The following RO60 variants were observed in gnomAD, a reference collection of about 807,000 sequenced individuals.
RO60 encodes RNA-binding protein RO60.
A neutral mutation model predicts 55.3 loss-of-function variants in RO60; 20 were observed. The observed-to-expected ratio is 0.36, with a 90% CI of 0.25 to 0.53. The LOEUF is 0.53. Ranked by LOEUF, RO60 falls within the 20% of genes least tolerant of loss-of-function variation. RO60 has a pLI of 0.92. For synonymous variants in RO60, 213 were observed against 213.6 expected (o/e 1.00, Z 0.02); for missense variants, 558 against 646.6 (o/e 0.86, Z 1.49).
intron 5 of RO60, among the ~76,000 whole-genome samples, chr1:193,079,707 T>C (rs539237482): frequency 6.6e-6 from 1 of 152,314 alleles, no homozygotes; most frequent in Admixed American, 6.5e-5. Context: ...GCAGACCATA[T>C]GTCCGATAAG....
Position 193,084,872 on chromosome 1 carries a change from A to C in RO60, c.*141A>C. On this transcript the variant is annotated 3_prime_UTR_variant, in exon 9 of 9. Transcript: ENST00000400968. ...AATGGAAAGTTACCTTACTGAAAAAAAAAAAAGAAGGAAAAATAAGATGGG... is the reference window on the plus strand; with the variant it reads ...AATGGAAAGTTACCTTACTGAAAAACAAAAAAGAAGGAAAAATAAGATGGG... 1 of 1,478,176 alleles carries C rather than the reference A, an allele frequency of 6.8e-7. No homozygotes were observed. Among genetic ancestry groups the C allele is most frequent in the East Asian group, 2.4e-5 (1 of 41,066 alleles). The allele number at this position is 1,478,176 out of a possible 1,614,324, so 91.6% of individuals were successfully genotyped here.
At position 193,069,419 on chromosome 1, in the gene RO60, C is replaced by T. The variant is rs748737349; in HGVS notation, c.365C>T (p.Pro122Leu). Residue 122 changes from proline to leucine, a missense_variant, in exon 2 of 9, where the codon CCT (proline) becomes CTT (leucine). By Grantham distance (98) the Pro-to-Leu change is moderately conservative. Coordinates refer to ENST00000400968, the MANE Select transcript of RO60 (RefSeq NM_001173524.2). Reference sequence around the variant, plus strand: ...GCTGTTTCTGAAGTTTGTCGCATTCCTACCCATCTCTTTACTTTTATCCAG... The same window carrying T: ...GCTGTTTCTGAAGTTTGTCGCATTCTTACCCATCTCTTTACTTTTATCCAG... ...FKAVSEVCRIPTHLFTFIQFK... is the reference protein window; with the variant it reads ...FKAVSEVCRILTHLFTFIQFK... The T allele has an allele frequency of 6.2e-7, 1 of 1,614,164 alleles. No individual in the cohort carries two copies.
Position 193,085,733 on chromosome 1 carries a change from C to T in RO60, c.*1002C>T. ...TTTTTAAAAGTATACATGTCAATGGCCTCTTTGTCCATTATTCATTTTGTG... is the reference window on the plus strand; with the variant it reads ...TTTTTAAAAGTATACATGTCAATGGTCTCTTTGTCCATTATTCATTTTGTG... On this transcript the variant is annotated 3_prime_UTR_variant, in exon 9 of 9. Coordinates refer to ENST00000400968, the MANE Select transcript of RO60 (RefSeq NM_001173524.2). The T allele has an allele frequency of 2.0e-6, 2 of 983,922 alleles. No individual in the cohort carries two copies. The highest frequency in any genetic ancestry group is 1.2e-6 in the Non-Finnish European group (1 of 828,820). The allele number at this position is 983,922 out of a possible 1,614,324, so 60.9% of individuals were successfully genotyped here. A position where few individuals can be genotyped will look rare whatever the true frequency, so the allele number is the denominator to read the frequency against.
intron 2 of RO60, among the ~76,000 whole-genome samples, chr1:193,074,495 G>GTCTTC (rs1558243830): frequency 8.5e-5 from 13 of 152,224 alleles, no homozygotes; most frequent in African/African-American, 2.7e-4. Context: ...CAGTGATGAT[G>GTCTTC]AGCATGTTTT....
intron 1 of RO60, among the ~76,000 whole-genome samples, chr1:193,066,241 G>C (rs1673096977): frequency 6.6e-6 from 1 of 152,118 alleles, no homozygotes; most frequent in Admixed American, 6.5e-5. Flanking sequence ...TGTATCTTCA[G>C]CTCTCCAAAT....
At position 193,085,437 on chromosome 1, in the gene RO60, T is replaced by C. The variant is rs2103081117; in HGVS notation, c.*706T>C. 4.1e-6 allele frequency: 4 copies of C among 985,966 alleles called. No homozygotes were observed. In the South Asian group the frequency reaches 1.9e-4, roughly 46 times the overall value. The allele number at this position is 985,966 out of a possible 1,614,324, so 61.1% of individuals were successfully genotyped here. ...GTTTGTGTTGGCTGAGGGATTCTAT[T>C]TGGTTTGCTTTTTTTTTTTTGCTTT... is the stretch of plus-strand genomic sequence containing the variant. On this transcript the variant is annotated 3_prime_UTR_variant, in exon 9 of 9. Transcript: ENST00000400968.
chr1:193,067,132 C>A (rs942255322), intron 1 of RO60, among the ~76,000 whole-genome samples: 1 of 150,964 alleles, frequency 6.6e-6, no homozygotes, highest in Admixed American at 6.6e-5. Flanking sequence ...TCTATCCCCA[C>A]AAATGAGTGT....
rs1023993878 is a variant in RO60, at chr1:193,090,566, C to T, written c.*5835C>T. The T allele has an allele frequency of 6.6e-6, 1 of 151,716 alleles. No individual in the cohort carries two copies. Among genetic ancestry groups the T allele is most frequent in the Non-Finnish European group, 1.5e-5 (1 of 67,926 alleles). 9.4% of individuals were successfully genotyped at this position (151,716 alleles called of 1,614,324 possible). Reference sequence around the variant, plus strand: ...CAAAGGGATGAGATATAAGAATCATCTTTTATAAAAACCAGTGGGGAGTGG... The same window carrying T: ...CAAAGGGATGAGATATAAGAATCATTTTTTATAAAAACCAGTGGGGAGTGG... On this transcript the variant is annotated 3_prime_UTR_variant, in exon 9 of 9. Transcript: ENST00000400968.
Position 193,084,744 on chromosome 1 carries a change from G to C in RO60, c.*13G>C. On this transcript the variant is annotated 3_prime_UTR_variant, in exon 9 of 9. Coordinates refer to ENST00000400968, the MANE Select transcript of RO60 (RefSeq NM_001173524.2). ...AGATATGATTTAACCATAAGCAGCAGCACGATCCAGAGATCCATTGCCATC... is the reference window on the plus strand; with the variant it reads ...AGATATGATTTAACCATAAGCAGCACCACGATCCAGAGATCCATTGCCATC... 2.5e-6 allele frequency: 4 copies of C among 1,606,804 alleles called. No homozygotes were observed. The highest frequency in any genetic ancestry group is 3.4e-6 in the Non-Finnish European group (4 of 1,177,446).
intron 5 of RO60, among the ~76,000 whole-genome samples, chr1:193,077,751 C>T (rs1674026775): frequency 6.6e-6 from 1 of 152,076 alleles, no homozygotes; most frequent in Non-Finnish European, 1.5e-5. Context: ...GAAACTGCCC[C>T]CATGATCCAG....
At position 193,071,592 on chromosome 1, in the gene RO60, A is replaced by G. The variant is rs150452660; in HGVS notation, c.580+1958A>G. ...TTTCATAATGGTTAAATCCACAAAC[A>G]GTATGTGAAAGGGATCAGTGTACCC... On this transcript the variant is annotated intron_variant, in intron 2 of 8. Coordinates refer to ENST00000400968, the MANE Select transcript of RO60 (RefSeq NM_001173524.2). 4.9e-4 allele frequency among the ~76,000 whole-genome samples: 75 copies of G among 152,096 alleles called. No individual in the cohort carries two copies. In the East Asian group the frequency reaches 0.013, roughly 26 times the overall value.
Position 193,069,304 on chromosome 1 carries a change from G to A in RO60, c.250G>A (p.Gly84Ser), listed in dbSNP as rs768296300. Reference protein sequence around the residue: ...IQEIKSFSQEGRTTKQEPMLF... With the variant: ...IQEIKSFSQESRTTKQEPMLF... ...AGAAATAAAGTCATTTAGTCAAGAAGGCAGAACCACAAAGCAAGAGCCTAT... is the reference window on the plus strand; with the variant it reads ...AGAAATAAAGTCATTTAGTCAAGAAAGCAGAACCACAAAGCAAGAGCCTAT... Residue 84 changes from glycine (G) to serine (S), a missense_variant, in exon 2 of 9, where the codon GGC (glycine) becomes AGC (serine). Gly to Ser is a moderately conservative substitution (Grantham distance 56). Coordinates refer to ENST00000400968, the MANE Select transcript of RO60 (RefSeq NM_001173524.2). 1.2e-6 allele frequency: 2 copies of A among 1,614,088 alleles called. No individual in the cohort carries two copies. The highest frequency in any genetic ancestry group is 1.3e-5 in the African/African-American group (1 of 74,928).
chr1:193,069,077 T>A lies in RO60; in HGVS notation c.23T>A (p.Met8Lys), dbSNP rs1369521236. The change falls in exon 2 of 9, where the codon ATG becomes AAG. Residue 8 changes from methionine (M) to lysine (K), a missense_variant. Coordinates refer to ENST00000400968, the MANE Select transcript of RO60 (RefSeq NM_001173524.2). MEESVNQ[M>K]QPLNEKQIAN... ...AAAATGGAGGAATCTGTAAACCAAATGCAGCCACTGAATGAGAAGCAGATA... is the reference window on the plus strand; with the variant it reads ...AAAATGGAGGAATCTGTAAACCAAAAGCAGCCACTGAATGAGAAGCAGATA... The A allele has an allele frequency of 6.2e-7, 1 of 1,611,132 alleles. No homozygotes were observed. The highest frequency in any genetic ancestry group is 2.2e-5 in the East Asian group (1 of 44,844).
intron 2 of RO60, among the ~76,000 whole-genome samples, chr1:193,071,109 C>T (rs928023992): frequency 2.4e-4 from 36 of 152,206 alleles, no homozygotes; most frequent in Admixed American, 2.1e-3. Context: ...ATAAGGAGAG[C>T]GCAACCTAGA....
intron 8 of RO60, 147 bp downstream of exon 8, chr1:193,082,855 C>A (rs1017631842): frequency 7.4e-5 from 46 of 621,944 alleles, no homozygotes; most frequent in Non-Finnish European, 1.1e-4. Flanking sequence ...ACCTCAACCT[C>A]CCAGGCTTAA....
chr1:193,061,197 A>G (rs1181689311), intron 1 of RO60, among the ~76,000 whole-genome samples: 1 of 152,196 alleles, frequency 6.6e-6, no homozygotes, highest in Non-Finnish European at 1.5e-5. Context: ...ACCAGTTGGC[A>G]GCTCCCCTCA....
intron 2 of RO60, chr1:193,070,651 A>G (rs539600455): frequency 7.0e-6 from 3 of 428,582 alleles, no homozygotes; most frequent in Admixed American, 5.1e-5. Flanking sequence ...ACCTTCATCT[A>G]TTAAAAGGAG....
chr1:193,060,644 AG>A (rs914725982), intron 1 of RO60, among the ~76,000 whole-genome samples: 1 of 152,330 alleles, frequency 6.6e-6, no homozygotes, highest in African/African-American at 2.4e-5. Flanking sequence ...AATTTTATTG[AG>A]GGAAGCAACA....
intron 2 of RO60, 37 bp downstream of exon 2, chr1:193,069,671 A>G (rs1673348252): frequency 1.6e-5 from 25 of 1,520,676 alleles, no homozygotes; most frequent in Non-Finnish European, 2.1e-5. Flanking sequence ...AAGGGTGGGT[A>G]AGGGATATTC....
Sources: gnomAD v4.1 joint callset for allele counts (sites outside exome capture counted in the v4.1 genomes callset) on GRCh38, gnomAD v4.1.1 for gene constraint, MANE v1.5 for transcripts, NCBI Gene and HGNC (gene_info 2026-07-23, HGNC 2026-07-21) for gene names.